Variants in DOCK8 observed in about 807,000 individuals in gnomAD.
The protein encoded by DOCK8 is dedicator of cytokinesis protein 8.
DOCK8 carries 141 observed loss-of-function variants against 245.6 expected under a neutral mutation model. The observed-to-expected ratio is 0.57, with a 90% confidence interval of 0.50 to 0.66. The LOEUF (loss-of-function observed/expected upper bound fraction) is 0.66, where lower values mean the gene tolerates loss of function less well. Ranked by LOEUF, DOCK8 falls within the 30% of genes least tolerant of loss-of-function variation. The pLI, the probability that DOCK8 is intolerant of heterozygous loss-of-function variation, is 0.00. For synonymous variants in DOCK8, 1,168 were observed against 970.2 expected, an observed-to-expected ratio of 1.20 and a Z score of -3.79; for missense variants, 2,965 against 2,603.4, an observed-to-expected ratio of 1.14 and a Z score of -3.02.
intron 1 of DOCK8, among the ~76,000 whole-genome samples, chr9:253,600 C>G (rs776193702): frequency 6.6e-6 from 1 of 152,138 alleles, no homozygotes; most frequent in Non-Finnish European, 1.5e-5. Flanking sequence ...AAAAGTTATG[C>G]TAATATAAGA....
In DOCK8 at chr9:298,293, C is replaced by T. The variant is rs150644536; in HGVS notation, c.405-6288C>T. Reference sequence around the variant, plus strand: ...TACAAAAATTAGCTGGGTACGGTGGCGCATGCCTGTGATCCCAGCTACTTA... The same window carrying T: ...TACAAAAATTAGCTGGGTACGGTGGTGCATGCCTGTGATCCCAGCTACTTA... On this transcript the variant is annotated intron_variant, in intron 4 of 47. Coordinates refer to ENST00000432829, the MANE Select transcript of DOCK8 (RefSeq NM_203447.4). Among the ~76,000 whole-genome samples the T allele has an allele frequency of 4.4e-3, 675 of 152,134 alleles. 3 individuals are homozygous for T. The highest frequency in any genetic ancestry group is 0.016 in the African/African-American group (644 of 41,506).
chr9:214,750 C>T, upstream of DOCK8: 5 of 1,526,194 alleles, frequency 3.3e-6, no homozygotes, highest in Non-Finnish European at 4.4e-6. Context: ...TCGCCCGCCG[C>T]TGCCTGCGCG....
At chr9:433,386 G>A (rs190038655) in intron 37 of DOCK8, among the ~76,000 whole-genome samples, 1 of 152,096 alleles carries the variant, frequency 6.6e-6, no homozygotes, top group Non-Finnish European at 1.5e-5. Context: ...TTGTACTGCA[G>A]GCTCCCCTGG....
At chr9:374,899 CATAA>C (rs1295007050) in intron 18 of DOCK8, among the ~76,000 whole-genome samples, 3 of 152,110 alleles carry the variant, frequency 2.0e-5, no homozygotes, top group Non-Finnish European at 2.9e-5. Context: ...AGATGAGTAA[CATAA>C]ATGAATGCCT....
At chr9:248,474 C>A (rs1383174374) in intron 1 of DOCK8, among the ~76,000 whole-genome samples, 1 of 150,932 alleles carries the variant, frequency 6.6e-6, no homozygotes, top group Non-Finnish European at 1.5e-5. Flanking sequence ...TCCTCCCTCC[C>A]TCCTCTCTCC....
At chr9:455,734 C>G (rs1040284717) in intron 46 of DOCK8, among the ~76,000 whole-genome samples, 1 of 151,968 alleles carries the variant, frequency 6.6e-6, no homozygotes, top group Non-Finnish European at 1.5e-5. Flanking sequence ...TCCTTATCAT[C>G]ATTTACCACT....
chr9:441,261 CT>C (rs1214098933), intron 40 of DOCK8, 24 bp from the exon 41 acceptor site: 2 of 1,613,942 alleles, frequency 1.2e-6, no homozygotes, highest in African/African-American at 2.7e-5. Flanking sequence ...TAAATTCTCT[CT>C]GATGCTCTTC....
Position 464,354 on chromosome 9 carries a change from G to C in DOCK8, c.*135G>C. ...GATCAGCCAGCACTCTGGAAGCTTT[G>C]GGATCCCAGGAACCATGGAATTATT... On this transcript the variant is annotated 3_prime_UTR_variant, in exon 48 of 48. Transcript: ENST00000432829. The C allele has an allele frequency of 1.2e-6, 1 of 816,994 alleles. No individual in the cohort carries two copies. The allele number at this position is 816,994 out of a possible 1,614,324, so 50.6% of individuals were successfully genotyped here. A position where few individuals can be genotyped will look rare whatever the true frequency, so the allele number is the denominator to read the frequency against.
chr9:427,244 G>A lies in DOCK8; in HGVS notation c.4338+263G>A, dbSNP rs77646287. Among the ~76,000 whole-genome samples the A allele has an allele frequency of 6.1e-3, 924 of 152,272 alleles. 8 individuals carry two copies. Among genetic ancestry groups the A allele is most frequent in the African/African-American group, 0.021 (873 of 41,558 alleles). On this transcript the variant is annotated intron_variant, in intron 34 of 47. Transcript: ENST00000432829. ...CCAGCTGACCCTCTTGGTTAAATCT[G>A]TGTGAGTATGTACCAAGTTTATAAT...
intron 14 of DOCK8, chr9:366,210 C>G (rs1232835224): frequency 6.5e-6 from 1 of 153,536 alleles, no homozygotes; most frequent in African/African-American, 2.4e-5. Flanking sequence ...CTGCACCTCA[C>G]TGATACTTGA....
At position 294,794 on chromosome 9, in the gene DOCK8, A is replaced by AATT. The variant is rs1303374558; in HGVS notation, c.404+5213_404+5214insATT. On this transcript the variant is annotated intron_variant, in intron 4 of 47. Coordinates refer to ENST00000432829, the MANE Select transcript of DOCK8 (RefSeq NM_203447.4). ...TCCATACAATGGAATACTACTCAGC[A>AATT]GTGAAATGGAACAAACAATTGATAT... Among the ~76,000 whole-genome samples, 4 of 152,380 alleles carry AATT rather than the reference A, an allele frequency of 2.6e-5. No homozygotes were observed. The East Asian group carries it at 5.8e-4, about 22-fold the overall frequency.
intron 26 of DOCK8, among the ~76,000 whole-genome samples, chr9:400,745 A>AGC (rs2054931545): frequency 7.6e-5 from 3 of 39,728 alleles, no homozygotes; most frequent in Admixed American, 2.6e-4. Flanking sequence ...CACCACCAGC[A>AGC]TCTTCACCAT....
intron 14 of DOCK8, among the ~76,000 whole-genome samples, chr9:358,652 A>C (rs571808339): frequency 7.2e-5 from 9 of 124,934 alleles, no homozygotes; most frequent in Admixed American, 5.5e-4. Flanking sequence ...AGTTCAAGAC[A>C]AACCTGGCCA....
At chr9:404,352 C>T (rs1193260670) in intron 26 of DOCK8, among the ~76,000 whole-genome samples, 1 of 152,020 alleles carries the variant, frequency 6.6e-6, no homozygotes, top group East Asian at 1.9e-4. Context: ...CCATTTCCTC[C>T]TCTCTCAGTC....
In DOCK8 at chr9:419,285, T is replaced by C. The variant is rs770872501; in HGVS notation, c.3840+1078T>C. Among the ~76,000 whole-genome samples the C allele has an allele frequency of 1.2e-4, 19 of 152,316 alleles. No individual in the cohort carries two copies. The South Asian group carries it at 1.9e-3, about 15-fold the overall frequency. ...TTAGCAAGCTCCATCACCATGAGGA[T>C]TGGGGGGACAGTGAGGCAGGAAGAT... On this transcript the variant is annotated intron_variant, in intron 30 of 47. Transcript: ENST00000432829.
intron 1 of DOCK8, among the ~76,000 whole-genome samples, chr9:227,633 A>T (rs780429842): frequency 6.6e-5 from 10 of 152,212 alleles, no homozygotes; most frequent in Non-Finnish European, 1.3e-4. Context: ...ACCCTAACAC[A>T]GATGAACATA....
intron 14 of DOCK8, among the ~76,000 whole-genome samples, chr9:358,613 C>G (rs988916009): frequency 6.6e-6 from 1 of 152,140 alleles, no homozygotes; most frequent in Non-Finnish European, 1.5e-5. Flanking sequence ...GTTTGGGAGG[C>G]CGAGGTGGGC....
intron 1 of DOCK8, among the ~76,000 whole-genome samples, chr9:230,723 C>T (rs1341482587): frequency 1.3e-5 from 2 of 151,466 alleles, no homozygotes; most frequent in African/African-American, 4.9e-5. Context: ...TTGTTCATAT[C>T]CTTCGCCCAC....
At chr9:283,033 C>T (rs75169345) in intron 2 of DOCK8, among the ~76,000 whole-genome samples, 2,451 of 152,266 alleles carry the variant, frequency 0.016, 28 homozygotes, top group South Asian at 0.021. Context: ...ATTTGACTCA[C>T]TTCCAAACAC....
Sources: gnomAD v4.1 joint callset for allele counts (sites outside exome capture counted in the v4.1 genomes callset) on GRCh38, gnomAD v4.1.1 for gene constraint, MANE v1.5 for transcripts, NCBI Gene and HGNC (gene_info 2026-07-23, HGNC 2026-07-21) for gene names.